The following SERPINA1 variants were observed in gnomAD, a reference collection of about 807,000 sequenced individuals.
SERPINA1 encodes alpha-1-antitrypsin.
A neutral mutation model predicts 25.4 loss-of-function variants in SERPINA1; 21 were observed. The observed-to-expected ratio is 0.83, with a 90% CI of 0.59 to 1.19. The LOEUF is 1.19. SERPINA1 is among the 50% of genes most tolerant of loss of function. The probability of loss-of-function intolerance (pLI) is 0.00; values close to 1 mark genes in which losing one functional copy is unlikely to be tolerated. For synonymous variants in SERPINA1, 218 were observed against 211.1 expected, an observed-to-expected ratio of 1.03 and a Z score of -0.29; for missense variants, 546 against 509.0, an observed-to-expected ratio of 1.07 and a Z score of -0.70.
chr14:94,381,041 G>A lies in SERPINA1; in HGVS notation c.747C>T (p.Gly249=), dbSNP rs775725332. 1 of 1,614,082 alleles carries A rather than the reference G, an allele frequency of 6.2e-7. No individual in the cohort carries two copies. Among genetic ancestry groups the A allele is most frequent in the East Asian group, 2.2e-5 (1 of 44,866 alleles). The change falls in exon 3 of 5, where the codon GGC becomes GGT. Residue 249 remains glycine, a synonymous_variant. Coordinates refer to ENST00000393087, the MANE Select transcript of SERPINA1 (RefSeq NM_000295.5). Reference sequence around the variant, plus strand: ...TCTTACAGTGCTGGATGTTAAACATGCCTAAACGCTTCATCATAGGCACCT... The same window carrying A: ...TCTTACAGTGCTGGATGTTAAACATACCTAAACGCTTCATCATAGGCACCT... The part of the protein sequence containing the change: ...TVKVPMMKRL[G]MFNIQHCKKL...
At chr14:94,381,666 C>T (rs546338681) in intron 2 of SERPINA1, among the ~76,000 whole-genome samples, 7 of 152,280 alleles carry the variant, frequency 4.6e-5, no homozygotes, top group African/African-American at 1.2e-4. Context: ...GCTTCACCAT[C>T]GAGGCATGCA....
chr14:94,379,420 C>T (rs377161317), intron 4 of SERPINA1, 44 bp downstream of exon 4: 3 of 1,611,358 alleles, frequency 1.9e-6, no homozygotes, highest in African/African-American at 2.7e-5. Flanking sequence ...CACATTCTTC[C>T]CTACAGATAC....
In SERPINA1 at chr14:94,380,970, G is replaced by C; in HGVS notation, c.818C>G (p.Thr273Ser). Residue 273 changes from threonine to serine, a missense_variant, in exon 3 of 5, where the codon ACC becomes AGC. Thr to Ser is a moderately conservative substitution (Grantham distance 58). Transcript: ENST00000393087. Reference protein sequence around the residue: ...VLLMKYLGNATAIFFLPDEGK... With the variant: ...VLLMKYLGNASAIFFLPDEGK... Reference sequence around the variant, plus strand: ...CTCATCAGGCAGGAAGAAGATGGCGGTGGCATTGCCCAGGTATTTCATCAG... The same window carrying C: ...CTCATCAGGCAGGAAGAAGATGGCGCTGGCATTGCCCAGGTATTTCATCAG... The C allele has an allele frequency of 6.2e-7, 1 of 1,614,158 alleles. No individual in the cohort carries two copies. The highest frequency in any genetic ancestry group is 8.5e-7 in the Non-Finnish European group (1 of 1,180,040).
chr14:94,383,197 C>A lies in SERPINA1; in HGVS notation c.41G>T (p.Gly14Val), dbSNP rs768352001. 7 of 1,614,080 alleles carry A rather than the reference C, an allele frequency of 4.3e-6. No individual in the cohort carries two copies. In the Admixed American group the frequency reaches 6.7e-5, roughly 15 times the overall value. Residue 14 changes from glycine to valine, a missense_variant, in exon 2 of 5, where the codon GGC becomes GTC. Coordinates refer to ENST00000393087, the MANE Select transcript of SERPINA1 (RefSeq NM_000295.5). Reference sequence around the variant, plus strand: ...GGAGACAGGGACCAGGCAGCACAGGCCTGCCAGCAGGAGGATGCCCCACGA... The same window carrying A: ...GGAGACAGGGACCAGGCAGCACAGGACTGCCAGCAGGAGGATGCCCCACGA... ...SVSWGILLLA[G>V]LCCLVPVSLA...
Position 94,378,392 on chromosome 14 carries a change from A to G in SERPINA1, c.*57T>C, listed in dbSNP as rs1896516165. Reference sequence around the variant, plus strand: ...CAGGGACCAGCTCAACCCTTCTTTAATGTCATCCAGGGAGGGGGCCAGGGA... The same window carrying G: ...CAGGGACCAGCTCAACCCTTCTTTAGTGTCATCCAGGGAGGGGGCCAGGGA... On this transcript the variant is annotated 3_prime_UTR_variant, in exon 5 of 5. Transcript: ENST00000393087. The G allele has an allele frequency of 6.9e-7, 1 of 1,451,260 alleles. No homozygotes were observed. Among genetic ancestry groups the G allele is most frequent in the African/African-American group, 1.4e-5 (1 of 71,856 alleles). 89.9% of individuals were successfully genotyped at this position (1,451,260 alleles called of 1,614,324 possible).
At chr14:94,380,548 C>A in intron 3 of SERPINA1, 1 of 408,694 alleles carries the variant, frequency 2.4e-6, no homozygotes. Context: ...TTTGGTTCTG[C>A]CAGAACGTGT....
chr14:94,378,456 T>A lies in SERPINA1; in HGVS notation c.1250A>T (p.Gln417Leu), dbSNP rs200467663. The A allele has an allele frequency of 6.2e-7, 1 of 1,613,962 alleles. No homozygotes were observed. The highest frequency in any genetic ancestry group is 8.5e-7 in the Non-Finnish European group (1 of 1,179,978). The change falls in exon 5 of 5, where the codon CAA (glutamine) becomes CTA (leucine). Residue 417 changes from glutamine to leucine, a missense_variant. Transcript: ENST00000393087. ...LFMGKVVNPT[Q>L]K ...TTGAGGAGCGAGAGGCAGTTATTTT[T>A]GGGTGGGATTCACCACTTTTCCCAT...
intron 1 of SERPINA1, among the ~76,000 whole-genome samples, chr14:94,387,187 C>T (rs1229874154): frequency 6.6e-6 from 1 of 152,242 alleles, no homozygotes; most frequent in Non-Finnish European, 1.5e-5. Flanking sequence ...ATTAAAGGCT[C>T]TGAGGCCAGA....
Position 94,382,887 on chromosome 14 carries a change from A to T in SERPINA1, c.351T>A (p.His117Gln). ...NLTEIPEAQI[H>Q]EGFQELLRTL... ...TACGGAGGAGTTCCTGGAAGCCTTCATGGATCTGAGCCTCCGGAATCTCCG... is the reference window on the plus strand; with the variant it reads ...TACGGAGGAGTTCCTGGAAGCCTTCTTGGATCTGAGCCTCCGGAATCTCCG... Residue 117 changes from histidine to glutamine, a missense_variant, in exon 2 of 5, where the codon CAT becomes CAA. Physicochemically the swap from His to Gln is conservative, Grantham distance 24. Coordinates refer to ENST00000393087, the MANE Select transcript of SERPINA1 (RefSeq NM_000295.5). 6.2e-7 allele frequency: 1 copy of T among 1,614,072 alleles called. No homozygotes were observed.
chr14:94,385,172 C>T (rs1375817368), intron 1 of SERPINA1, among the ~76,000 whole-genome samples: 1 of 152,214 alleles, frequency 6.6e-6, no homozygotes, highest in African/African-American at 2.4e-5. Flanking sequence ...TGCTGAGTGG[C>T]CTCAGGGCCA....
Position 94,379,284 on chromosome 14 carries a change from G to T in SERPINA1, c.1065+180C>A, listed in dbSNP as rs145944908. On this transcript the variant is annotated intron_variant, in intron 4 of 4. Transcript: ENST00000393087. Reference sequence around the variant, plus strand: ...AGTGCCAGCTGCACAGCAGTCCCCTGCCTGGCTTTGCTGTTTGACCACGTC... The same window carrying T: ...AGTGCCAGCTGCACAGCAGTCCCCTTCCTGGCTTTGCTGTTTGACCACGTC... 230 of 872,742 alleles carry T rather than the reference G, an allele frequency of 2.6e-4. 1 individual carries two copies. In the African/African-American group the frequency reaches 3.6e-3, roughly 14 times the overall value. 54.1% of individuals were successfully genotyped at this position (872,742 alleles called of 1,614,324 possible). A position where few individuals can be genotyped will look rare whatever the true frequency, so the allele number is the denominator to read the frequency against.
Position 94,379,482 on chromosome 14 carries a change from T to G in SERPINA1, c.1047A>C (p.Ala349=), listed in dbSNP as rs1303463945. ...GADLSGVTEE[A]PLKLSKAVHK... is the part of the protein sequence containing the mutation. The stretch of plus-strand genomic sequence containing the variant: ...ATCTCACCTTGGAGAGCTTCAGGGG[T>G]GCCTCCTCTGTGACCCCGGAGAGGT... The change falls in exon 4 of 5, where the codon GCA becomes GCC. Residue 349 remains alanine (A), a synonymous_variant. Coordinates refer to ENST00000393087, the MANE Select transcript of SERPINA1 (RefSeq NM_000295.5). The G allele has an allele frequency of 6.2e-7, 1 of 1,614,168 alleles. No homozygotes were observed. The highest frequency in any genetic ancestry group is 8.5e-7 in the Non-Finnish European group (1 of 1,180,038).
chr14:94,380,755 C>T (rs953043162), intron 3 of SERPINA1, 116 bp downstream of exon 3: 8 of 1,339,638 alleles, frequency 6.0e-6, no homozygotes, highest in African/African-American at 1.5e-5. Flanking sequence ...GTAGCAGTGA[C>T]CCAGGGATGT....
intron 4 of SERPINA1, 101 bp downstream of exon 4, chr14:94,379,363 T>A: frequency 1.3e-6 from 2 of 1,538,368 alleles, no homozygotes; most frequent in Admixed American, 3.3e-5. Flanking sequence ...TCTTCATTTG[T>A]TTCCCTCGGC....
At chr14:94,381,177 A>T in intron 2 of SERPINA1, 36 bp from the exon 3 acceptor site, 1 of 1,603,266 alleles carries the variant, frequency 6.2e-7, no homozygotes, top group Non-Finnish European at 8.5e-7. Context: ...ACCAGGGGTG[A>T]GTGAAGGTTT....
At position 94,383,166 on chromosome 14, in the gene SERPINA1, A is replaced by T; in HGVS notation, c.72T>A (p.Ala24=). ...GGGCAGCATCTCCCTGGGGATCCTC[A>T]GCCAGGGAGACAGGGACCAGGCAGC... is the stretch of plus-strand genomic sequence containing the variant. ...GLCCLVPVSL[A]EDPQGDAAQK... Residue 24 remains alanine (A), a synonymous_variant, in exon 2 of 5, where the codon GCT becomes GCA. Transcript: ENST00000393087. 1.9e-6 allele frequency: 3 copies of T among 1,614,206 alleles called. No homozygotes were observed. Among genetic ancestry groups the T allele is most frequent in the Non-Finnish European group, 2.5e-6 (3 of 1,180,042 alleles).
chr14:94,378,667 T>C, intron 4 of SERPINA1, 27 bp from the exon 5 acceptor site: 1 of 1,606,886 alleles, frequency 6.2e-7, no homozygotes, highest in East Asian at 2.3e-5. Flanking sequence ...CAGAGACACG[T>C]TGTAAGGCTG....
At chr14:94,381,649 C>T (rs1896924182) in intron 2 of SERPINA1, among the ~76,000 whole-genome samples, 1 of 152,186 alleles carries the variant, frequency 6.6e-6, no homozygotes, top group South Asian at 2.1e-4. Flanking sequence ...TCTGCCATAC[C>T]AACAGAGCTT....
intron 4 of SERPINA1, chr14:94,379,060 ATAAG>A (rs1896634555): frequency 1.8e-6 from 1 of 543,348 alleles, no homozygotes; most frequent in Non-Finnish European, 3.3e-6. Context: ...GTTTTCCAAA[ATAAG>A]TGTCATCTTT....
Sources: gnomAD v4.1 joint callset for allele counts (sites outside exome capture counted in the v4.1 genomes callset) on GRCh38, gnomAD v4.1.1 for gene constraint, MANE v1.5 for transcripts, NCBI Gene and HGNC (gene_info 2026-07-23, HGNC 2026-07-21) for gene names.